ITGA8: variants seen among roughly 807,000 people sequenced by gnomAD.
ITGA8 encodes integrin subunit alpha 8.
ITGA8 carries 91 observed loss-of-function variants against 142.3 expected under a neutral mutation model. That is an observed-to-expected ratio of 0.64 (90% CI 0.54 to 0.76). The LOEUF (loss-of-function observed/expected upper bound fraction) is 0.76, where lower values mean the gene tolerates loss of function less well. Ranked by LOEUF, ITGA8 falls within the 30% of genes least tolerant of loss-of-function variation. ITGA8 has a pLI of 0.00. For synonymous variants in ITGA8, 505 were observed against 485.2 expected, an observed-to-expected ratio of 1.04 and a Z score of -0.54; for missense variants, 1,406 against 1,327.7, an observed-to-expected ratio of 1.06 and a Z score of -0.92.
At chr10:15,559,334 T>C (rs1336226438) in intron 25 of ITGA8, among the ~76,000 whole-genome samples, 4 of 152,232 alleles carry the variant, frequency 2.6e-5, no homozygotes, top group Admixed American at 1.3e-4. Flanking sequence ...TCTGATGTTC[T>C]GCATGCTTGG....
At chr10:15,637,842 AAAG>A (rs1349965269) in intron 13 of ITGA8, among the ~76,000 whole-genome samples, 3 of 152,056 alleles carry the variant, frequency 2.0e-5, no homozygotes, top group African/African-American at 7.2e-5. Context: ...TGTTTTCCAA[AAAG>A]AAGTGAGGTG....
intron 29 of ITGA8, among the ~76,000 whole-genome samples, chr10:15,518,443 T>C (rs1018158546): frequency 2.0e-5 from 3 of 152,260 alleles, no homozygotes; most frequent in African/African-American, 7.2e-5. Flanking sequence ...AAAGAGCTGA[T>C]AACGATCAGA....
chr10:15,640,885 C>G (rs968064196), intron 13 of ITGA8, among the ~76,000 whole-genome samples: 7 of 152,206 alleles, frequency 4.6e-5, no homozygotes, highest in Non-Finnish European at 1.0e-4. Flanking sequence ...GAACGAGCCA[C>G]AGAAGCTTGA....
In ITGA8 at chr10:15,684,002, A is replaced by G; in HGVS notation, c.568+2T>C. The G allele has an allele frequency of 6.2e-7, 1 of 1,614,054 alleles. No individual in the cohort carries two copies. The highest frequency in any genetic ancestry group is 8.5e-7 in the Non-Finnish European group (1 of 1,179,968). On this transcript the variant is annotated splice_donor_variant, in intron 4 of 29. Coordinates refer to ENST00000378076, the MANE Select transcript of ITGA8 (RefSeq NM_003638.3). LOFTEE classifies it high-confidence loss of function. ...CAGTTTCAAGGAATAAAAGTTGCTTACTGTTCCGGCAAGGAGAGAACTCGG... is the reference window on the plus strand; with the variant it reads ...CAGTTTCAAGGAATAAAAGTTGCTTGCTGTTCCGGCAAGGAGAGAACTCGG...
At chr10:15,639,050 G>A (rs1833822213) in intron 13 of ITGA8, among the ~76,000 whole-genome samples, 1 of 151,946 alleles carries the variant, frequency 6.6e-6, no homozygotes, top group Middle Eastern at 3.2e-3. Flanking sequence ...GATCGCTAGA[G>A]CCCAGGAGTT....
At position 15,574,728 on chromosome 10, in the gene ITGA8, C is replaced by T. The variant is rs1834252171; in HGVS notation, c.2478+761G>A. ...GTATATATATATTTTTTTTTTAGCA[C>T]AATAATGAATAGTTCTTATTGTTTT... On this transcript the variant is annotated intron_variant, in intron 24 of 29. Transcript: ENST00000378076. Among the ~76,000 whole-genome samples the T allele has an allele frequency of 2.0e-5, 3 of 150,706 alleles. No homozygotes were observed. The South Asian group carries it at 6.3e-4, about 32-fold the overall frequency.
intron 27 of ITGA8, among the ~76,000 whole-genome samples, chr10:15,536,641 G>A (rs534268662): frequency 3.0e-4 from 45 of 152,128 alleles, no homozygotes; most frequent in Non-Finnish European, 5.4e-4. Context: ...ACCCAGCTGG[G>A]GTTAATATCC....
intron 15 of ITGA8, among the ~76,000 whole-genome samples, chr10:15,610,150 T>A (rs985469298): frequency 1.3e-5 from 2 of 152,202 alleles, no homozygotes; most frequent in Non-Finnish European, 2.9e-5. Context: ...ATAATAGCAC[T>A]CCAACCTAAA....
intron 24 of ITGA8, among the ~76,000 whole-genome samples, 152 bp downstream of exon 24, chr10:15,575,336 GC>G (rs1238988932): frequency 6.6e-6 from 1 of 152,188 alleles, no homozygotes; most frequent in African/African-American, 2.4e-5. Context: ...GCTGCAGTGA[GC>G]TGTGATTGCA....
chr10:15,567,786 C>T (rs1588649187), intron 25 of ITGA8, among the ~76,000 whole-genome samples: 1 of 152,218 alleles, frequency 6.6e-6, no homozygotes, highest in African/African-American at 2.4e-5. Flanking sequence ...CCCAGCCCTT[C>T]CTGATCTCCT....
intron 8 of ITGA8, among the ~76,000 whole-genome samples, chr10:15,666,943 C>A (rs1410177848): frequency 6.6e-6 from 1 of 152,122 alleles, no homozygotes; most frequent in Non-Finnish European, 1.5e-5. Context: ...AGGATTTTTG[C>A]ATCGATGTTC....
chr10:15,659,638 A>G (rs934041542), intron 9 of ITGA8, among the ~76,000 whole-genome samples: 6 of 152,252 alleles, frequency 3.9e-5, no homozygotes, highest in African/African-American at 1.4e-4. Flanking sequence ...TACCCAGAAC[A>G]TCAGAATAAG....
At chr10:15,660,142 A>G (rs1324637860) in intron 9 of ITGA8, among the ~76,000 whole-genome samples, 1 of 152,238 alleles carries the variant, frequency 6.6e-6, no homozygotes, top group Non-Finnish European at 1.5e-5. Context: ...TGCTGATCAT[A>G]ACCATGGCAT....
At chr10:15,652,831 C>T (rs1007361313) in intron 11 of ITGA8, among the ~76,000 whole-genome samples, 1 of 152,210 alleles carries the variant, frequency 6.6e-6, no homozygotes, top group African/African-American at 2.4e-5. Flanking sequence ...CACTGTCCTG[C>T]CTCCCCTGGT....
intron 6 of ITGA8, among the ~76,000 whole-genome samples, chr10:15,673,067 T>C (rs904801804): frequency 1.3e-5 from 2 of 149,244 alleles, no homozygotes; most frequent in Non-Finnish European, 3.0e-5. Flanking sequence ...GATGTAATTT[T>C]TGTTTGTTTG....
At chr10:15,646,297 G>T (rs1259549556) in intron 12 of ITGA8, among the ~76,000 whole-genome samples, 1 of 152,132 alleles carries the variant, frequency 6.6e-6, no homozygotes, top group Non-Finnish European at 1.5e-5. Flanking sequence ...GTTTAAAGTT[G>T]AACATTTGAG....
intron 24 of ITGA8, among the ~76,000 whole-genome samples, chr10:15,573,727 A>G (rs1025222441): frequency 1.2e-4 from 18 of 152,194 alleles, no homozygotes; most frequent in Non-Finnish European, 4.4e-5. Flanking sequence ...GATTAGAGGC[A>G]TGAGTTACAT....
At chr10:15,650,811 A>G (rs963433093) in intron 11 of ITGA8, among the ~76,000 whole-genome samples, 1 of 152,188 alleles carries the variant, frequency 6.6e-6, no homozygotes, top group African/African-American at 2.4e-5. Flanking sequence ...AGATTAGTGG[A>G]CTATATAGTA....
At position 15,672,738 on chromosome 10, in the gene ITGA8, T is replaced by C. The variant is rs545067911; in HGVS notation, c.688A>G (p.Thr230Ala). The C allele has an allele frequency of 7.5e-6, 12 of 1,609,200 alleles. No individual in the cohort carries two copies. In the East Asian group the frequency reaches 2.5e-4, roughly 33 times the overall value. ...GCAATGATATCTGCAACACTGGCAG[T>C]GATCACTTGTCCTGTGTTTAAACAA... Reference protein sequence around the residue: ...GSFYWQGQVITASVADIIANY... With the variant: ...GSFYWQGQVIAASVADIIANY... Residue 230 changes from threonine to alanine, a missense_variant, in exon 7 of 30, where the codon ACT becomes GCT. Coordinates refer to ENST00000378076, the MANE Select transcript of ITGA8 (RefSeq NM_003638.3).
Sources: allele counts gnomAD v4.1 joint callset (sites outside exome capture counted in the v4.1 genomes callset), GRCh38; gene constraint gnomAD v4.1.1; transcripts MANE v1.5; gene names NCBI Gene and HGNC (gene_info 2026-07-23, HGNC 2026-07-21).